NPEPPS: variants seen among roughly 807,000 people sequenced by gnomAD.
NPEPPS encodes the protein aminopeptidase puromycin sensitive.
A neutral mutation model predicts 115.5 loss-of-function variants in NPEPPS; 14 were observed. The observed-to-expected ratio is 0.12, with a 90% CI of 0.08 to 0.19. The LOEUF (loss-of-function observed/expected upper bound fraction) is 0.19, where lower values mean the gene tolerates loss of function less well. Ranked by LOEUF, NPEPPS falls within the 10% of genes least tolerant of loss-of-function variation. The probability of loss-of-function intolerance (pLI) is 1.00; values close to 1 mark genes in which losing one functional copy is unlikely to be tolerated. For synonymous variants in NPEPPS, 285 were observed against 390.6 expected (o/e 0.73, Z 3.19); for missense variants, 523 against 1,110.8 (o/e 0.47, Z 7.52).
At chr17:47,568,133 A>G (rs1264547380) in intron 2 of NPEPPS, among the ~76,000 whole-genome samples, 1 of 150,974 alleles carries the variant, frequency 6.6e-6, no homozygotes, top group Non-Finnish European at 1.5e-5. Context: ...TATATGCTCC[A>G]GTTTCTCTAC....
intron 5 of NPEPPS, 70 bp from the exon 6 acceptor site, chr17:47,585,430 T>G: frequency 1.9e-6 from 2 of 1,057,982 alleles, no homozygotes; most frequent in Non-Finnish European, 1.4e-6. Flanking sequence ...GCCTACAGTT[T>G]TTGGCTGGTA....
At chr17:47,618,298 A>G in intron 19 of NPEPPS, 52 bp from the exon 20 acceptor site, 1 of 1,213,016 alleles carries the variant, frequency 8.2e-7, no homozygotes. Context: ...AATCATATGC[A>G]GAACATCCAA....
At chr17:47,593,611 A>G (rs1327307867) in intron 12 of NPEPPS, among the ~76,000 whole-genome samples, 1 of 152,150 alleles carries the variant, frequency 6.6e-6, no homozygotes, top group East Asian at 1.9e-4. Context: ...AACAACAGGG[A>G]TATGTTCTGA....
intron 9 of NPEPPS, among the ~76,000 whole-genome samples, chr17:47,589,066 G>T (rs532020986): frequency 2.0e-4 from 30 of 151,486 alleles, no homozygotes; most frequent in Admixed American, 1.5e-3. Context: ...CAGGTGTGTG[G>T]CACCATGCCC....
intron 6 of NPEPPS, 198 bp from the exon 7 acceptor site, chr17:47,585,950 A>G (rs1188749252): frequency 1.8e-6 from 1 of 566,932 alleles, no homozygotes; most frequent in African/African-American, 1.9e-5. Context: ...TATTTTTCAT[A>G]TCAAGTTATA....
chr17:47,584,649 A>G (rs1912076294), intron 5 of NPEPPS, among the ~76,000 whole-genome samples: 1 of 152,194 alleles, frequency 6.6e-6, no homozygotes, highest in African/African-American at 2.4e-5. Context: ...AAGGAAGAAT[A>G]GAGAGAGCTT....
rs1042345776 is a variant in NPEPPS at position 47,605,336 on chromosome 17, C to G, written c.1879C>G (p.Arg627Gly). 6 of 1,595,192 alleles carry G rather than the reference C, an allele frequency of 3.8e-6. No individual in the cohort carries two copies. The highest frequency in any genetic ancestry group is 1.8e-5 in the Admixed American group (1 of 56,032). Residue 627 changes from arginine to glycine, a missense_variant, in exon 17 of 23, where the codon CGA (arginine) becomes GGA (glycine). Arg to Gly is a moderately radical substitution (Grantham distance 125). Coordinates refer to ENST00000322157, the MANE Select transcript of NPEPPS (RefSeq NM_006310.4). ...GLQNDLFSLA[R>G]AGIISTVEVL... ...TTTATGTTTTTTCCTATCCCAGGCT[C>G]GAGCTGGAATCATTAGCACTGTAGA...
At chr17:47,611,392 G>A (rs963454787) in intron 17 of NPEPPS, among the ~76,000 whole-genome samples, 2 of 151,160 alleles carry the variant, frequency 1.3e-5, no homozygotes, top group Non-Finnish European at 2.9e-5. Flanking sequence ...CTGGGAGGTG[G>A]AGGCTGCAGT....
At chr17:47,573,926 T>C (rs1370454032) in intron 3 of NPEPPS, among the ~76,000 whole-genome samples, 3 of 151,756 alleles carry the variant, frequency 2.0e-5, no homozygotes, top group Admixed American at 1.3e-4. Context: ...ACAGACTATA[T>C]ATATTCTGCG....
intron 17 of NPEPPS, among the ~76,000 whole-genome samples, chr17:47,607,483 C>A (rs1278613364): frequency 6.6e-6 from 1 of 152,138 alleles, no homozygotes; most frequent in Non-Finnish European, 1.5e-5. Flanking sequence ...TCCTGTAGAA[C>A]CTGTTTGCTA....
Position 47,545,019 on chromosome 17 carries a change from G to T in NPEPPS, c.256-890G>T, listed in dbSNP as rs572846612. Among the ~76,000 whole-genome samples the T allele has an allele frequency of 2.1e-3, 309 of 150,356 alleles. 1 individual carries two copies. Among genetic ancestry groups the T allele is most frequent in the South Asian group, 5.3e-3 (25 of 4,710 alleles). On this transcript the variant is annotated intron_variant, in intron 1 of 22. Transcript: ENST00000322157. ...TGCCCCCAGCCTATTTTTATTTTTTGAGACAGAGTCTCACTCTGTTGTTCA... is the reference window on the plus strand; with the variant it reads ...TGCCCCCAGCCTATTTTTATTTTTTTAGACAGAGTCTCACTCTGTTGTTCA...
chr17:47,566,901 C>A (rs1331511983), intron 2 of NPEPPS, among the ~76,000 whole-genome samples: 1 of 151,890 alleles, frequency 6.6e-6, no homozygotes. Context: ...ATGGGGAAAC[C>A]CCTGTCTCTA....
chr17:47,610,843 C>CTTT (rs1913812556), intron 17 of NPEPPS, among the ~76,000 whole-genome samples: 3 of 108,218 alleles, frequency 2.8e-5, no homozygotes, highest in East Asian at 3.3e-4. Context: ...CATATGATGA[C>CTTT]TCTTTTTTTT....
At chr17:47,564,931 A>G (rs1910704302) in intron 2 of NPEPPS, among the ~76,000 whole-genome samples, 1 of 152,068 alleles carries the variant, frequency 6.6e-6, no homozygotes, top group African/African-American at 2.4e-5. Context: ...TTTCATTAAT[A>G]TATTTCATAT....
intron 9 of NPEPPS, among the ~76,000 whole-genome samples, chr17:47,588,736 A>G (rs1337732205): frequency 6.6e-6 from 1 of 152,134 alleles, no homozygotes; most frequent in Non-Finnish European, 1.5e-5. Flanking sequence ...AACAAGCAAT[A>G]AATTTTAGTA....
Position 47,621,900 on chromosome 17 carries a change from G to A in NPEPPS, c.2740G>A (p.Ala914Thr). The change falls in exon 23 of 23, where the codon GCC (alanine) becomes ACC (threonine). Residue 914 changes from alanine (A) to threonine (T), a missense_variant. Physicochemically the swap from Ala to Thr is moderately conservative, Grantham distance 58. Around this residue, in one of 4 missense-constraint regions of NPEPPS, gnomAD observed 372 missense variants for 542.6 expected, o/e 0.69. Coordinates refer to ENST00000322157, the MANE Select transcript of NPEPPS (RefSeq NM_006310.4). ...SIHQYLLQRKASPPTV is the reference protein window; with the variant it reads ...SIHQYLLQRKTSPPTV ...CCACCAGTACCTCCTTCAGCGGAAG[G>A]CCTCACCACCCACAGTGTGAATCCT... The A allele has an allele frequency of 6.2e-7, 1 of 1,612,788 alleles. No individual in the cohort carries two copies. Among genetic ancestry groups the A allele is most frequent in the Non-Finnish European group, 8.5e-7 (1 of 1,179,382 alleles).
intron 12 of NPEPPS, among the ~76,000 whole-genome samples, chr17:47,593,147 A>G (rs796391368): frequency 6.6e-6 from 1 of 152,354 alleles, no homozygotes. Context: ...TCTGGTCCCA[A>G]GCATTTTGGA....
rs536588381 is a variant in NPEPPS, at chr17:47,524,239, G to A, written c.77+1176G>A. 7.2e-5 allele frequency among the ~76,000 whole-genome samples: 11 copies of A among 151,944 alleles called. No homozygotes were observed. The East Asian group carries it at 2.0e-3, about 27-fold the overall frequency. On this transcript the variant is annotated intron_variant, in intron 1 of 5. Transcript: ENST00000525007. ...GGAAAATCGCTTGAACCCCCGGGAG[G>A]CGGAGGTTGTAGTGAGCCAAGATTG...
At chr17:47,595,480 C>G (rs140598972) in intron 12 of NPEPPS, among the ~76,000 whole-genome samples, 379 of 152,304 alleles carry the variant, frequency 2.5e-3, no homozygotes, top group African/African-American at 8.5e-3. Context: ...CTTAACTCAT[C>G]TGTTTATCTT....
Sources: allele counts gnomAD v4.1 joint callset (sites outside exome capture counted in the v4.1 genomes callset), GRCh38; gene constraint gnomAD v4.1.1; regional missense constraint gnomAD v4.1.1; transcripts MANE v1.5; gene names NCBI Gene and HGNC (gene_info 2026-07-23, HGNC 2026-07-21).